DPP9: variants seen among roughly 807,000 people sequenced by gnomAD.
DPP9 encodes the protein dipeptidyl peptidase IV-related protein-2.
DPP9 carries 50 observed loss-of-function variants against 110.7 expected under a neutral mutation model. The ratio of observed to expected loss-of-function variants is 0.45; its 90% confidence interval spans 0.36 to 0.57. The LOEUF (loss-of-function observed/expected upper bound fraction) is 0.57. Ranked by LOEUF, DPP9 falls within the 20% of genes least tolerant of loss-of-function variation. DPP9 has a pLI of 0.00. For synonymous variants in DPP9, 561 were observed against 514.4 expected (o/e 1.09, Z -1.23); for missense variants, 1,022 against 1,217.9 (o/e 0.84, Z 2.39).
intron 18 of DPP9, 84 bp from the exon 19 acceptor site, chr19:4,683,713 C>A: frequency 6.2e-7 from 1 of 1,611,892 alleles, no homozygotes. Flanking sequence ...CCTTTCAGGG[C>A]GTCTCTCCCT....
At chr19:4,692,248 G>A (rs2091396278) in intron 13 of DPP9, among the ~76,000 whole-genome samples, 1 of 152,098 alleles carries the variant, frequency 6.6e-6, no homozygotes, top group Admixed American at 6.6e-5. Context: ...TGACAGTGCG[G>A]GGTGCATCAT....
chr19:4,689,559 G>T lies in DPP9; in HGVS notation c.1749+11C>A. The T allele has an allele frequency of 6.4e-7, 1 of 1,552,080 alleles. No individual in the cohort carries two copies. On this transcript the variant is annotated intron_variant, in intron 15 of 21. Transcript: ENST00000262960. The surrounding 1 kb of genome is among the most constrained non-coding windows in gnomAD (Gnocchi z 7.0). ...GGCACAGGGCGGTGCCGTGAGGCTGGGCGGTCCCACCTGGCTCATGGAGCA... is the reference window on the plus strand; with the variant it reads ...GGCACAGGGCGGTGCCGTGAGGCTGTGCGGTCCCACCTGGCTCATGGAGCA...
At chr19:4,686,009 C>T in intron 16 of DPP9, 1 of 459,606 alleles carries the variant, frequency 2.2e-6, no homozygotes, top group South Asian at 2.8e-5. Flanking sequence ...ACTTCCTGGC[C>T]TCAAGCGATC....
In DPP9 at chr19:4,718,915, C is replaced by T. The variant is rs763518940; in HGVS notation, c.56+936G>A. Among the ~76,000 whole-genome samples the T allele has an allele frequency of 6.6e-5, 10 of 152,108 alleles. No homozygotes were observed. Among genetic ancestry groups the T allele is most frequent in the African/African-American group, 1.7e-4 (7 of 41,414 alleles). On this transcript the variant is annotated intron_variant, in intron 3 of 21. Transcript: ENST00000262960. This position sits in a 1 kb window ranked among gnomAD's most constrained non-coding sequence, Gnocchi z 4.3. ...GTTCGCAGGGTCGAGGAATTCCTAC[C>T]GCCTTTTCATCTCGTGCCAGGCCCT...
chr19:4,677,727 G>C (rs906244901), intron 21 of DPP9, among the ~76,000 whole-genome samples: 2 of 152,182 alleles, frequency 1.3e-5, no homozygotes, highest in African/African-American at 4.8e-5. Context: ...AGACTCTGCT[G>C]CCCTTGACAC....
rs767837556 is a variant in DPP9 at position 4,695,393 on chromosome 19, G to A, written c.1338C>T (p.Thr446=). 1 of 1,582,080 alleles carries A rather than the reference G, an allele frequency of 6.3e-7. No individual in the cohort carries two copies. The highest frequency in any genetic ancestry group is 8.6e-7 in the Non-Finnish European group (1 of 1,163,968). The change falls in exon 12 of 22, where the codon ACC becomes ACT. Residue 446 remains threonine, a synonymous_variant. Coordinates refer to ENST00000262960, the MANE Select transcript of DPP9 (RefSeq NM_139159.5). The surrounding 1 kb of genome is among the most constrained non-coding windows in gnomAD (Gnocchi z 4.7). ...CCCCGCTTACATTGATCCAGACGTT[G>A]GTGACCTCCTCGTACACCACATACG... ...VQPYVVYEEV[T]NVWINVHDIF...
intron 5 of DPP9, 61 bp downstream of exon 5, chr19:4,705,797 G>A: frequency 6.6e-7 from 1 of 1,524,982 alleles, no homozygotes; most frequent in Non-Finnish European, 9.1e-7. Flanking sequence ...TATGGCCTGT[G>A]GGGCTGGCCT....
chr19:4,684,503 T>G lies in DPP9; in HGVS notation c.2178+160A>C. 9.3e-6 allele frequency: 7 copies of G among 754,310 alleles called. No individual in the cohort carries two copies. The highest frequency in any genetic ancestry group is 1.8e-5 in the African/African-American group (1 of 56,252). 46.7% of individuals were successfully genotyped at this position (754,310 alleles called of 1,614,324 possible). A position where few individuals can be genotyped will look rare whatever the true frequency, so the allele number is the denominator to read the frequency against. ...CTGAGCAGCAAAGCATACATCCCCT[T>G]TTGTTCTAAAAGGGCGCCTCATTGA... On this transcript the variant is annotated intron_variant, in intron 18 of 21. Coordinates refer to ENST00000262960, the MANE Select transcript of DPP9 (RefSeq NM_139159.5). This position sits in a 1 kb window ranked among gnomAD's most constrained non-coding sequence, Gnocchi z 4.8.
rs1376227923 is a variant in DPP9 at position 4,689,580 on chromosome 19, G to A, written c.1739C>T (p.Ser580Phe). The A allele has an allele frequency of 3.2e-6, 5 of 1,563,900 alleles. No homozygotes were observed. Among genetic ancestry groups the A allele is most frequent in the South Asian group, 1.2e-5 (1 of 85,142 alleles). Residue 580 changes from serine to phenylalanine, a missense_variant, in exon 15 of 22, where the codon TCC (serine) becomes TTC (phenylalanine). Physicochemically the swap from Ser to Phe is radical, Grantham distance 155. Transcript: ENST00000262960. The surrounding 1 kb of genome is among the most constrained non-coding windows in gnomAD (Gnocchi z 7.0). ...GCTGGGCGGTCCCACCTGGCTCATGGAGCAGCTATGGGAGAAGCCGGGCGT... is the reference window on the plus strand; with the variant it reads ...GCTGGGCGGTCCCACCTGGCTCATGAAGCAGCTATGGGAGAAGCCGGGCGT... The part of the protein sequence containing the change: ...LTTPGFSHSC[S>F]MSQNFDMFVS...
chr19:4,691,267 A>C (rs1435472846), intron 13 of DPP9, among the ~76,000 whole-genome samples: 1 of 152,010 alleles, frequency 6.6e-6, no homozygotes, highest in Non-Finnish European at 1.5e-5. Flanking sequence ...TGAGGCCAGG[A>C]GTTTGAGACC....
chr19:4,703,115 C>G (rs2092389648), intron 7 of DPP9, among the ~76,000 whole-genome samples: 1 of 152,014 alleles, frequency 6.6e-6, no homozygotes, highest in Non-Finnish European at 1.5e-5. Flanking sequence ...GACGGAGAGG[C>G]AGCGATCAGT....
At chr19:4,705,811 C>A (rs1215629229) in intron 5 of DPP9, 47 bp downstream of exon 5, 25 of 1,591,238 alleles carry the variant, frequency 1.6e-5, no homozygotes, top group Non-Finnish European at 2.2e-5. Context: ...CTGGCCTTTG[C>A]CACCTCCTCG....
At chr19:4,677,682 C>T (rs2089069509) in intron 21 of DPP9, among the ~76,000 whole-genome samples, 1 of 152,230 alleles carries the variant, frequency 6.6e-6, no homozygotes, top group Admixed American at 6.5e-5. Context: ...AGGGCCCACT[C>T]CTTCCCCAGC....
In DPP9 at chr19:4,689,168, A is replaced by G. The variant is rs2091080646; in HGVS notation, c.1750-276T>C. 6.6e-6 allele frequency among the ~76,000 whole-genome samples: 1 copy of G among 152,216 alleles called. No homozygotes were observed. Among genetic ancestry groups the G allele is most frequent in the African/African-American group, 2.4e-5 (1 of 41,444 alleles). ...CGCTGGATCTGCCGAGGGCTCTGCC[A>G]CTGCACAGGCCTGCAAGCTTGCTGG... On this transcript the variant is annotated intron_variant, in intron 15 of 21. Coordinates refer to ENST00000262960, the MANE Select transcript of DPP9 (RefSeq NM_139159.5). The surrounding 1 kb of genome is among the most constrained non-coding windows in gnomAD (Gnocchi z 7.0).
intron 4 of DPP9, among the ~76,000 whole-genome samples, chr19:4,708,112 G>C (rs2092675332): frequency 1.3e-5 from 2 of 152,112 alleles, no homozygotes; most frequent in Admixed American, 1.3e-4. Context: ...CTGTGGCTCA[G>C]CCAGCTGCAG....
rs1318518264 is a variant in DPP9, at chr19:4,682,361, C to T, written c.2474+335G>A. 6.6e-6 allele frequency among the ~76,000 whole-genome samples: 1 copy of T among 152,218 alleles called. No homozygotes were observed. The highest frequency in any genetic ancestry group is 2.4e-5 in the African/African-American group (1 of 41,456). ...ACAGAGGCTGTGATGGGGCCTCCAGCAGGATGCAGGGGAGTGGGGGAGGCT... is the reference window on the plus strand; with the variant it reads ...ACAGAGGCTGTGATGGGGCCTCCAGTAGGATGCAGGGGAGTGGGGGAGGCT... On this transcript the variant is annotated intron_variant, in intron 20 of 21. Coordinates refer to ENST00000262960, the MANE Select transcript of DPP9 (RefSeq NM_139159.5). This position sits in a 1 kb window ranked among gnomAD's most constrained non-coding sequence, Gnocchi z 7.1.
Position 4,684,701 on chromosome 19 carries a change from G to A in DPP9, c.2140C>T (p.Arg714Ter), listed in dbSNP as rs1165785000. 7 of 1,612,142 alleles carry A rather than the reference G, an allele frequency of 4.3e-6. No homozygotes were observed. The highest frequency in any genetic ancestry group is 1.7e-5 in the Admixed American group (1 of 59,774). ...VVIDGRGSCQRGLRFEGALKN... is the reference protein window; with the variant it reads ...VVIDGRGSCQ ...AGGGCCCCTTCGAACCGAAGCCCTC[G>A]CTGACAGGAGCCCCTGCCGTCAATC... Residue 714 changes from arginine to a stop codon, truncating the protein, a stop_gained, in exon 18 of 22, where the codon CGA becomes TGA. Transcript: ENST00000262960. LOFTEE classifies it high-confidence loss of function. The surrounding 1 kb of genome is among the most constrained non-coding windows in gnomAD (Gnocchi z 4.8).
intron 13 of DPP9, among the ~76,000 whole-genome samples, chr19:4,692,391 C>T (rs943851368): frequency 3.9e-5 from 6 of 152,088 alleles, no homozygotes; most frequent in Admixed American, 1.3e-4. Context: ...GTTTCCCTGG[C>T]GTAGAGGTCT....
intron 21 of DPP9, among the ~76,000 whole-genome samples, chr19:4,679,041 A>C (rs1441276900): frequency 2.4e-5 from 3 of 127,240 alleles, no homozygotes; most frequent in Non-Finnish European, 4.9e-5. Flanking sequence ...ACCCCTCTAT[A>C]GCAGAAGCTC....
Sources: gnomAD v4.1 joint callset for allele counts (sites outside exome capture counted in the v4.1 genomes callset) on GRCh38, gnomAD v4.1.1 for gene constraint, Gnocchi (gnomAD v3.1) non-coding constraint, MANE v1.5 for transcripts, NCBI Gene and HGNC (gene_info 2026-07-23, HGNC 2026-07-21) for gene names.